The following PRSS3 variants were observed in gnomAD, a reference collection of about 807,000 sequenced individuals.
PRSS3 encodes serine protease 3, also known as trypsin-3.
Under a neutral mutation model 20.8 loss-of-function variants are expected in PRSS3, and 14 were observed. The ratio of observed to expected loss-of-function variants is 0.67; its 90% CI spans 0.44 to 1.05. The LOEUF is 1.05. Among genes scored for constraint, PRSS3 ranks in the 50% least tolerant of loss-of-function variants. The pLI, the probability that PRSS3 is intolerant of heterozygous loss-of-function variation, is 0.00. For synonymous variants in PRSS3, 91 were observed against 117.6 expected, an observed-to-expected ratio of 0.77 and a Z score of 1.46; for missense variants, 237 against 306.4, an observed-to-expected ratio of 0.77 and a Z score of 1.69.
At chr9:33,782,230 C>T (rs553324149) in intron 1 of PRSS3, among the ~76,000 whole-genome samples, 1 of 152,286 alleles carries the variant, frequency 6.6e-6, no homozygotes, top group Admixed American at 6.5e-5. Flanking sequence ...AACCCTTGAC[C>T]AGTGCCATTT....
chr9:33,797,885 A>G lies in PRSS3; in HGVS notation c.257A>G (p.Gln86Arg), dbSNP rs754190636. 2.5e-6 allele frequency: 4 copies of G among 1,614,264 alleles called. No individual in the cohort carries two copies. The highest frequency in any genetic ancestry group is 3.3e-4 in the Middle Eastern group (2 of 6,062). ...ATCAAAGTCCTGGAGGGGAATGAGC[A>G]GTTCATCAATGCGGCCAAGATCATC... ...HNIKVLEGNE[Q>R]FINAAKIIRH... Residue 86 changes from glutamine (Q) to arginine (R), a missense_variant, in exon 3 of 5, where the codon CAG (glutamine) becomes CGG (arginine). Physicochemically the swap from Gln to Arg is conservative, Grantham distance 43. Coordinates refer to ENST00000379405, the MANE Select transcript of PRSS3 (RefSeq NM_002771.4).
intron 1 of PRSS3, among the ~76,000 whole-genome samples, chr9:33,751,064 A>G (rs1208250228): frequency 6.6e-6 from 1 of 152,114 alleles, no homozygotes; most frequent in Non-Finnish European, 1.5e-5. Flanking sequence ...AATATTGCTC[A>G]GTCCCCCGCG....
intron 1 of PRSS3, chr9:33,786,555 A>C (rs2119031807): frequency 1.3e-6 from 1 of 766,154 alleles, no homozygotes; most frequent in East Asian, 2.4e-5. Context: ...GTCATCTCTC[A>C]AAAGCCAAGC....
chr9:33,783,825 G>C (rs544582975), intron 1 of PRSS3, among the ~76,000 whole-genome samples: 2 of 150,168 alleles, frequency 1.3e-5, no homozygotes, highest in African/African-American at 4.9e-5. Context: ...AGGAGGCGGA[G>C]CTTGCAGTGA....
intron 1 of PRSS3, among the ~76,000 whole-genome samples, chr9:33,776,634 T>C (rs759306886): frequency 1.6e-4 from 24 of 152,316 alleles, no homozygotes; most frequent in Admixed American, 7.8e-4. Flanking sequence ...GAGGAAAGAA[T>C]AGTATCTTCA....
chr9:33,758,136 C>A (rs1448975413), intron 1 of PRSS3, among the ~76,000 whole-genome samples: 1 of 152,182 alleles, frequency 6.6e-6, no homozygotes, highest in Non-Finnish European at 1.5e-5. Flanking sequence ...CTACTTTGAT[C>A]CAGAGCTTCT....
intron 1 of PRSS3, among the ~76,000 whole-genome samples, chr9:33,776,721 A>G (rs1455687212): frequency 6.6e-6 from 1 of 152,172 alleles, no homozygotes; most frequent in Non-Finnish European, 1.5e-5. Context: ...ATGTCAGAAG[A>G]AGGACACAGA....
chr9:33,772,851 A>G lies in PRSS3; in HGVS notation c.-52-21895A>G, dbSNP rs551873571. Among the ~76,000 whole-genome samples the G allele has an allele frequency of 3.9e-5, 6 of 152,314 alleles. No homozygotes were observed. The South Asian group carries it at 8.3e-4, about 21-fold the overall frequency. Reference sequence around the variant, plus strand: ...ACTCTCCACCTGTGGGAGCAACGTAATGTTAGAGAGTGCTGGTTGCCAAGC... The same window carrying G: ...ACTCTCCACCTGTGGGAGCAACGTAGTGTTAGAGAGTGCTGGTTGCCAAGC... On this transcript the variant is annotated intron_variant, in intron 1 of 5. Transcript: ENST00000342836.
At chr9:33,756,185 C>T (rs1322812415) in intron 1 of PRSS3, among the ~76,000 whole-genome samples, 1 of 152,120 alleles carries the variant, frequency 6.6e-6, no homozygotes, top group Admixed American at 6.6e-5. Flanking sequence ...GGATATTAAT[C>T]AGAAATCATT....
intron 1 of PRSS3, among the ~76,000 whole-genome samples, chr9:33,754,533 AAAGT>A (rs1822852788): frequency 6.6e-6 from 1 of 152,130 alleles, no homozygotes. Context: ...CCAATACATC[AAAGT>A]AAGAATTTTG....
In PRSS3 at chr9:33,795,695, C is replaced by T. The variant is rs1205216225; in HGVS notation, c.40+82C>T. The T allele has an allele frequency of 4.0e-6, 6 of 1,492,098 alleles. No homozygotes were observed. In the Admixed American group the frequency reaches 8.4e-5, roughly 21 times the overall value. 92.4% of individuals were successfully genotyped at this position (1,492,098 alleles called of 1,614,324 possible). Reference sequence around the variant, plus strand: ...CCCTGCCATTCTTGCCACCTCTCCTCTTTTGACTGCGCTCTGATATTCTAT... The same window carrying T: ...CCCTGCCATTCTTGCCACCTCTCCTTTTTTGACTGCGCTCTGATATTCTAT... On this transcript the variant is annotated intron_variant, in intron 1 of 4. Coordinates refer to ENST00000379405, the MANE Select transcript of PRSS3 (RefSeq NM_002771.4).
Position 33,784,551 on chromosome 9 carries a change from T to C in PRSS3, c.-52-10195T>C, listed in dbSNP as rs559233229. 2.0e-5 allele frequency among the ~76,000 whole-genome samples: 3 copies of C among 152,356 alleles called. No homozygotes were observed. The East Asian group carries it at 5.8e-4, about 29-fold the overall frequency. ...CACATTTTCTCTATTATAAGGTAAA[T>C]TGTTTTTCACAATTCTATTTTCTTT... On this transcript the variant is annotated intron_variant, in intron 1 of 5. Coordinates refer to the PRSS3 transcript ENST00000342836.
chr9:33,799,028 C>T lies in PRSS3; in HGVS notation c.592C>T (p.Arg198Cys), dbSNP rs148495550. The T allele has an allele frequency of 2.9e-5, 45 of 1,554,326 alleles. No homozygotes were observed. Among genetic ancestry groups the T allele is most frequent in the Non-Finnish European group, 3.7e-5 (42 of 1,146,638 alleles). Residue 198 changes from arginine to cysteine, a missense_variant and splice_region_variant, in exon 5 of 5, where the codon CGT becomes TGT. Coordinates refer to ENST00000379405, the MANE Select transcript of PRSS3 (RefSeq NM_002771.4). ...ACAACTTGTCCCTTCTTCTCCCCAG[C>T]GTGACTCTGGTGGCCCTGTGGTCTG... is the stretch of plus-strand genomic sequence containing the variant. ...FLEGGKDSCQ[R>C]DSGGPVVCNG...
intron 1 of PRSS3, among the ~76,000 whole-genome samples, chr9:33,756,590 T>TA (rs918645246): frequency 5.9e-5 from 9 of 152,154 alleles, no homozygotes; most frequent in Admixed American, 5.2e-4. Flanking sequence ...TTTTTTATTT[T>TA]AAAAAAATCC....
At chr9:33,780,401 G>T (rs1399414790) in intron 1 of PRSS3, among the ~76,000 whole-genome samples, 1 of 152,122 alleles carries the variant, frequency 6.6e-6, no homozygotes, top group East Asian at 1.9e-4. Flanking sequence ...CTTACAAAAG[G>T]TCCTTAAGGG....
rs1376268475 is a variant in PRSS3, at chr9:33,771,642, TTTG to T, written c.-53+20918_-53+20920del. Among the ~76,000 whole-genome samples the T allele has an allele frequency of 6.7e-4, 80 of 119,374 alleles. 4 individuals carry two copies. Among genetic ancestry groups the T allele is most frequent in the East Asian group, 7.0e-4 (2 of 2,866 alleles). The allele number at this position is 119,374 out of a possible 152,430, so 78.3% of individuals were successfully genotyped here. On this transcript the variant is annotated intron_variant, in intron 1 of 5. Transcript: ENST00000342836. ...GCACTGGGTTTTGTTTTTTTGTTTT[TTTG>T]TTTTTTTTTTTTTTGAGACAGGGTC...
At position 33,796,804 on chromosome 9, in the gene PRSS3, T is replaced by A; in HGVS notation, c.200+2T>A. ...ATCAGCAGCTCACTGCTACAAGACG[T>A]AAGTGTGGGGCCCCTGACTGCAAAG... On this transcript the variant is annotated splice_donor_variant, in intron 2 of 4. Coordinates refer to ENST00000379405, the MANE Select transcript of PRSS3 (RefSeq NM_002771.4). LOFTEE classifies it high-confidence loss of function. The A allele has an allele frequency of 6.3e-7, 1 of 1,584,780 alleles. No homozygotes were observed. Among genetic ancestry groups the A allele is most frequent in the Non-Finnish European group, 8.6e-7 (1 of 1,158,558 alleles).
intron 1 of PRSS3, among the ~76,000 whole-genome samples, chr9:33,787,457 G>A (rs577052936): frequency 6.6e-6 from 1 of 152,316 alleles, no homozygotes; most frequent in African/African-American, 2.4e-5. Context: ...AATGTGAGAA[G>A]TAAGCTGCTG....
intron 1 of PRSS3, among the ~76,000 whole-genome samples, chr9:33,796,317 A>T (rs1824933038): frequency 6.6e-6 from 1 of 152,196 alleles, no homozygotes; most frequent in African/African-American, 2.4e-5. Context: ...GGTGATGAAT[A>T]AAAGAGAGAA....
Sources: allele counts gnomAD v4.1 joint callset (sites outside exome capture counted in the v4.1 genomes callset), GRCh38; gene constraint gnomAD v4.1.1; transcripts MANE v1.5; gene names NCBI Gene and HGNC (gene_info 2026-07-23, HGNC 2026-07-21).